The following MYCT1 variants were observed in gnomAD, a reference collection of about 807,000 sequenced individuals.
The protein encoded by MYCT1 is MYC target 1.
A neutral mutation model predicts 15.0 loss-of-function variants in MYCT1; 12 were observed. The ratio of observed to expected loss-of-function variants is 0.80; its 90% confidence interval spans 0.51 to 1.29. The LOEUF is 1.29. Ranked by LOEUF, MYCT1 falls within the 50% of genes most tolerant of loss-of-function variation. MYCT1 has a pLI of 0.00. For synonymous variants in MYCT1, 104 were observed against 102.7 expected (o/e 1.01, Z -0.07); for missense variants, 287 against 279.1 (o/e 1.03, Z -0.20).
At chr6:152,730,849 C>T in the MYCT1 span, among the ~76,000 whole-genome samples, 1 of 152,024 alleles carries the variant, frequency 6.6e-6, no homozygotes, top group African/African-American at 2.4e-5. Flanking sequence ...ATTTCTGAAG[C>T]TGATAAATTG....
intron 1 of MYCT1, among the ~76,000 whole-genome samples, chr6:152,719,876 A>G (rs894732934): frequency 1.3e-5 from 2 of 152,218 alleles, no homozygotes; most frequent in Admixed American, 6.5e-5. Context: ...AGTGGGTCTA[A>G]ACAAATTCCC....
Position 152,723,551 on chromosome 6 carries a change from T to A in MYCT1, c.*1298T>A, listed in dbSNP as rs1052685751. The A allele has an allele frequency of 6.6e-6, 1 of 152,258 alleles. No individual in the cohort carries two copies. Among genetic ancestry groups the A allele is most frequent in the East Asian group, 1.9e-4 (1 of 5,190 alleles). 9.4% of individuals were successfully genotyped at this position (152,258 alleles called of 1,614,324 possible). A position where few individuals can be genotyped will look rare whatever the true frequency, so the allele number is the denominator to read the frequency against. On this transcript the variant is annotated 3_prime_UTR_variant, in exon 2 of 2. Coordinates refer to ENST00000367245, the MANE Select transcript of MYCT1 (RefSeq NM_025107.3). ...TTCTCCTTCCTGGATTGACTCTTAA[T>A]CATCAGGCATCATTCCTGGTTTGCT...
At chr6:152,719,633 A>G (rs1023270631) in intron 1 of MYCT1, among the ~76,000 whole-genome samples, 2 of 152,250 alleles carry the variant, frequency 1.3e-5, no homozygotes, top group Non-Finnish European at 2.9e-5. Flanking sequence ...TGAAAGTAGG[A>G]CACAATAAAT....
At chr6:152,730,447 G>A in the MYCT1 span, among the ~76,000 whole-genome samples, 4 of 152,194 alleles carry the variant, frequency 2.6e-5, no homozygotes, top group Admixed American at 6.6e-5. Flanking sequence ...CAATTTTTGC[G>A]TGCCATCCAT....
the MYCT1 span, among the ~76,000 whole-genome samples, chr6:152,736,829 G>A: frequency 2.6e-5 from 4 of 152,070 alleles, no homozygotes; most frequent in Non-Finnish European, 5.9e-5. Context: ...CAGTCAACAA[G>A]GGTGGTTTGT....
At chr6:152,715,208 C>CTTAAAA (rs2099723432) in intron 1 of MYCT1, among the ~76,000 whole-genome samples, 7 of 152,242 alleles carry the variant, frequency 4.6e-5, no homozygotes, top group Admixed American at 2.0e-4. Context: ...TGGCTTCAAA[C>CTTAAAA]AAATTTAAGA....
At chr6:152,717,339 G>A (rs553044835) in intron 1 of MYCT1, among the ~76,000 whole-genome samples, 38 of 152,276 alleles carry the variant, frequency 2.5e-4, no homozygotes, top group Non-Finnish European at 5.0e-4. Context: ...AAATTCTTCT[G>A]TCAGCAGTAT....
chr6:152,745,885 T>C, the MYCT1 span, among the ~76,000 whole-genome samples: 1 of 152,212 alleles, frequency 6.6e-6, no homozygotes, highest in African/African-American at 2.4e-5. Flanking sequence ...AGAGTGTTTC[T>C]CCATGATTTG....
the MYCT1 span, among the ~76,000 whole-genome samples, chr6:152,740,695 T>A: frequency 6.6e-6 from 1 of 152,162 alleles, no homozygotes; most frequent in African/African-American, 2.4e-5. Context: ...CCAGATGAAA[T>A]CCTTTTTAGG....
intron 1 of MYCT1, among the ~76,000 whole-genome samples, chr6:152,707,243 C>T (rs577718889): frequency 1.3e-5 from 2 of 152,122 alleles, no homozygotes; most frequent in South Asian, 4.2e-4. Context: ...ATTTGCGTTT[C>T]CCTGATGAGT....
At chr6:152,713,158 C>A (rs887196917) in intron 1 of MYCT1, among the ~76,000 whole-genome samples, 2 of 151,912 alleles carry the variant, frequency 1.3e-5, no homozygotes, top group Non-Finnish European at 2.9e-5. Context: ...TTGGCCGATT[C>A]TTTTCTCTCT....
chr6:152,743,991 C>T, the MYCT1 span, among the ~76,000 whole-genome samples: 39 of 152,158 alleles, frequency 2.6e-4, no homozygotes, highest in African/African-American at 8.7e-4. Context: ...GAGGGCCAGG[C>T]GCCAGCAGCC....
intron 1 of MYCT1, among the ~76,000 whole-genome samples, chr6:152,718,774 C>T (rs528178046): frequency 6.6e-6 from 1 of 152,012 alleles, no homozygotes; most frequent in South Asian, 2.1e-4. Flanking sequence ...TATATTTTCT[C>T]CTTTCAGATT....
At chr6:152,739,774 A>AT in the MYCT1 span, among the ~76,000 whole-genome samples, 5 of 152,104 alleles carry the variant, frequency 3.3e-5, no homozygotes, top group Non-Finnish European at 5.9e-5. Flanking sequence ...AATTTGAAAT[A>AT]TTTTTTTAAA....
At position 152,708,949 on chromosome 6, in the gene MYCT1, G is replaced by A. The variant is rs1199577572; in HGVS notation, c.196+10851G>A. Among the ~76,000 whole-genome samples, 7 of 17,640 alleles carry A rather than the reference G, an allele frequency of 4.0e-4. 1 individual carries two copies. Among genetic ancestry groups the A allele is most frequent in the African/African-American group, 7.9e-4 (7 of 8,818 alleles). The allele number at this position is 17,640 out of a possible 152,430, so 11.6% of individuals were successfully genotyped here. ...ATGTATACATGTGCCATGCTGGTGC[G>A]CTGCACCCACTAATGTGTCATCTAG... On this transcript the variant is annotated intron_variant, in intron 1 of 1. Coordinates refer to ENST00000367245, the MANE Select transcript of MYCT1 (RefSeq NM_025107.3).
intron 1 of MYCT1, among the ~76,000 whole-genome samples, chr6:152,716,106 G>A (rs989991908): frequency 2.6e-5 from 4 of 152,194 alleles, no homozygotes; most frequent in Non-Finnish European, 5.9e-5. Flanking sequence ...TCACAGATGT[G>A]GGAATGTGGC....
rs2099725163 is a variant in MYCT1 at position 152,723,937 on chromosome 6, G to A, written c.*1684G>A. 6.6e-6 allele frequency: 1 copy of A among 152,138 alleles called. No homozygotes were observed. Among genetic ancestry groups the A allele is most frequent in the South Asian group, 2.1e-4 (1 of 4,816 alleles). 9.4% of individuals were successfully genotyped at this position (152,138 alleles called of 1,614,324 possible). A position where few individuals can be genotyped will look rare whatever the true frequency, so the allele number is the denominator to read the frequency against. On this transcript the variant is annotated 3_prime_UTR_variant, in exon 2 of 2. Transcript: ENST00000367245. ...TATTGCAGTGGTCACAGCTAATAGT[G>A]TCTGAACATGGTTCAAGAATAAGAG...
intron 1 of MYCT1, among the ~76,000 whole-genome samples, chr6:152,713,284 A>G (rs1316844715): frequency 1.3e-5 from 2 of 151,918 alleles, no homozygotes; most frequent in Non-Finnish European, 2.9e-5. Flanking sequence ...GAAATTTCCT[A>G]TCATTTTATT....
At chr6:152,738,639 G>A in the MYCT1 span, among the ~76,000 whole-genome samples, 1 of 151,970 alleles carries the variant, frequency 6.6e-6, no homozygotes, top group African/African-American at 2.4e-5. Flanking sequence ...TAGAGTTGTT[G>A]AGATCAAATG....
Sources: allele counts gnomAD v4.1 joint callset (sites outside exome capture counted in the v4.1 genomes callset), GRCh38; gene constraint gnomAD v4.1.1; transcripts MANE v1.5; gene names NCBI Gene and HGNC (gene_info 2026-07-23, HGNC 2026-07-21).